The following ZFPM2 variants were observed in gnomAD, a reference collection of about 807,000 sequenced individuals.
ZFPM2 encodes the protein zinc finger protein, FOG family member 2.
ZFPM2 carries 20 observed loss-of-function variants against 98.6 expected under a neutral mutation model. That is an observed-to-expected ratio of 0.20 (90% CI 0.14 to 0.29). The LOEUF is 0.29. Ranked by LOEUF, ZFPM2 falls within the 10% of genes least tolerant of loss-of-function variation. The pLI is 1.00. For missense variants in ZFPM2, 1,310 were observed against 1,388.6 expected (o/e 0.94, Z 0.90); for synonymous variants, 518 against 502.7 (o/e 1.03, Z -0.41).
chr8:105,361,943 C>T (rs150493242), intron 1 of ZFPM2, among the ~76,000 whole-genome samples: 1 of 152,124 alleles, frequency 6.6e-6, no homozygotes, highest in Non-Finnish European at 1.5e-5. Flanking sequence ...CTAAGAACAA[C>T]AGGCTGTAAC....
intron 3 of ZFPM2, among the ~76,000 whole-genome samples, chr8:105,475,078 C>CT (rs1812985391): frequency 6.6e-6 from 1 of 152,132 alleles, no homozygotes; most frequent in African/African-American, 2.4e-5. Context: ...TACTTCATTT[C>CT]TTTTACTGCT....
intron 1 of ZFPM2, among the ~76,000 whole-genome samples, chr8:105,377,032 G>A (rs1355177784): frequency 2.6e-5 from 4 of 152,118 alleles, no homozygotes; most frequent in Admixed American, 2.0e-4. Flanking sequence ...CTCTAACCAT[G>A]TGGCTCTTTC....
intron 5 of ZFPM2, chr8:105,662,389 T>G (rs1005230687): frequency 2.0e-5 from 3 of 152,096 alleles, no homozygotes; most frequent in African/African-American, 7.2e-5. Flanking sequence ...AATCACCATT[T>G]CTTTCTAAAG....
chr8:105,361,295 T>C (rs1016464350), intron 1 of ZFPM2, among the ~76,000 whole-genome samples: 1 of 148,086 alleles, frequency 6.8e-6, no homozygotes. Flanking sequence ...TCTGTTCATA[T>C]CCTTTGCCCA....
At chr8:105,692,555 G>A (rs1321684145) in intron 5 of ZFPM2, among the ~76,000 whole-genome samples, 1 of 152,168 alleles carries the variant, frequency 6.6e-6, no homozygotes, top group Non-Finnish European at 1.5e-5. Flanking sequence ...TGCATTAAGT[G>A]CTTTATGAAG....
Position 105,798,764 on chromosome 8 carries a change from G to C in ZFPM2, c.780G>C (p.Arg260=), listed in dbSNP as rs1019324502. Residue 260 remains arginine, a synonymous_variant, in exon 7 of 8, where the codon CGG becomes CGC. Transcript: ENST00000407775. ...FPCKSCGIWY[R]SERNLQAHLM... ...GCAAGTCCTGTGGCATCTGGTATCG[G>C]AGTGAGCGGAATCTGCAGGCCCATT... The C allele has an allele frequency of 6.2e-7, 1 of 1,613,796 alleles. No homozygotes were observed. Among genetic ancestry groups the C allele is most frequent in the African/African-American group, 1.3e-5 (1 of 74,916 alleles).
At chr8:105,684,955 GTAA>G (rs1298635335) in intron 5 of ZFPM2, 1 of 152,032 alleles carries the variant, frequency 6.6e-6, no homozygotes, top group Non-Finnish European at 1.5e-5. Flanking sequence ...TCTGTATTTA[GTAA>G]TAACTTTATC....
chr8:105,639,822 C>T (rs1366762414), intron 5 of ZFPM2, among the ~76,000 whole-genome samples: 1 of 151,992 alleles, frequency 6.6e-6, no homozygotes, highest in African/African-American at 2.4e-5. Flanking sequence ...TATTCAGTCA[C>T]TTTGAACCCA....
At chr8:105,708,222 A>G (rs1480860450) in intron 5 of ZFPM2, among the ~76,000 whole-genome samples, 5 of 152,204 alleles carry the variant, frequency 3.3e-5, no homozygotes, top group African/African-American at 1.2e-4. Flanking sequence ...TCTTATAATA[A>G]TTGGAGAATC....
chr8:105,660,993 G>A (rs1481717778), intron 5 of ZFPM2, among the ~76,000 whole-genome samples: 1 of 152,162 alleles, frequency 6.6e-6, no homozygotes, highest in Admixed American at 6.5e-5. Flanking sequence ...AACACCAGCA[G>A]GTGGGCTGGG....
At chr8:105,776,483 C>T (rs1432842371) in intron 5 of ZFPM2, among the ~76,000 whole-genome samples, 1 of 152,194 alleles carries the variant, frequency 6.6e-6, no homozygotes, top group Non-Finnish European at 1.5e-5. Context: ...TACAATATAG[C>T]ATGGCCAACA....
At chr8:105,658,669 T>C (rs940444670) in intron 5 of ZFPM2, among the ~76,000 whole-genome samples, 4 of 151,886 alleles carry the variant, frequency 2.6e-5, no homozygotes, top group Non-Finnish European at 5.9e-5. Context: ...ATCTGTTATC[T>C]TCTTGACTGT....
chr8:105,465,843 T>C (rs1210683563), intron 3 of ZFPM2, among the ~76,000 whole-genome samples: 1 of 152,024 alleles, frequency 6.6e-6, no homozygotes, highest in Admixed American at 6.6e-5. Flanking sequence ...TTGATCCAAA[T>C]ATTTTATAAT....
At chr8:105,769,114 T>A (rs1201043004) in intron 5 of ZFPM2, among the ~76,000 whole-genome samples, 1 of 152,074 alleles carries the variant, frequency 6.6e-6, no homozygotes. Context: ...TTGCTGTCTA[T>A]CAGGATGTTC....
At chr8:105,422,963 G>A (rs1345189566) in intron 2 of ZFPM2, among the ~76,000 whole-genome samples, 1 of 152,048 alleles carries the variant, frequency 6.6e-6, no homozygotes, top group Admixed American at 6.5e-5. Context: ...TTTCAGTGAT[G>A]AACTAAAATT....
chr8:105,521,139 ACAC>A (rs1814047761), intron 3 of ZFPM2, among the ~76,000 whole-genome samples: 1 of 150,664 alleles, frequency 6.6e-6, no homozygotes, highest in African/African-American at 2.5e-5. Context: ...ATATACACAC[ACAC>A]ACACACACAC....
intron 2 of ZFPM2, among the ~76,000 whole-genome samples, chr8:105,426,290 C>CAATA (rs1294010937): frequency 2.6e-5 from 4 of 152,130 alleles, no homozygotes; most frequent in Admixed American, 2.6e-4. Flanking sequence ...AAAGAAAAGC[C>CAATA]AATATGACTT....
intron 5 of ZFPM2, among the ~76,000 whole-genome samples, chr8:105,779,516 G>A (rs1813193903): frequency 6.6e-6 from 1 of 152,184 alleles, no homozygotes; most frequent in Admixed American, 6.5e-5. Context: ...ATGAATTGCA[G>A]ATAGCATGGA....
intron 5 of ZFPM2, among the ~76,000 whole-genome samples, chr8:105,698,430 C>A (rs1188117133): frequency 6.6e-6 from 1 of 152,160 alleles, no homozygotes; most frequent in Non-Finnish European, 1.5e-5. Context: ...CCACTTTTCA[C>A]TTTCTTAAAT....
Sources: allele counts gnomAD v4.1 joint callset (sites outside exome capture counted in the v4.1 genomes callset), GRCh38; gene constraint gnomAD v4.1.1; transcripts MANE v1.5; gene names NCBI Gene and HGNC (gene_info 2026-07-23, HGNC 2026-07-21).